Variants in ITGBL1 observed in about 807,000 individuals in gnomAD.
The protein encoded by ITGBL1 is integrin beta-like protein 1.
Under a neutral mutation model 68.5 loss-of-function variants are expected in ITGBL1, and 51 were observed. The ratio of observed to expected loss-of-function variants is 0.74; its 90% CI spans 0.59 to 0.94. The LOEUF (loss-of-function observed/expected upper bound fraction) is 0.94, where lower values mean the gene tolerates loss of function less well. ITGBL1 is among the 40% of genes least tolerant of loss of function. The pLI is 0.00. For missense variants in ITGBL1, 649 were observed against 647.4 expected, an observed-to-expected ratio of 1.00 and a Z score of -0.03; for synonymous variants, 209 against 227.3, an observed-to-expected ratio of 0.92 and a Z score of 0.72.
chr13:101,623,545 T>C (rs1000613799), intron 7 of ITGBL1, among the ~76,000 whole-genome samples: 2 of 152,214 alleles, frequency 1.3e-5, no homozygotes, highest in African/African-American at 2.4e-5. Flanking sequence ...TGTTCCTTCA[T>C]GTATGGCTCC....
intron 7 of ITGBL1, among the ~76,000 whole-genome samples, chr13:101,604,881 T>TACACACACACACAC (rs1292236214): frequency 3.0e-3 from 43 of 14,268 alleles, no homozygotes; most frequent in African/African-American, 6.5e-3. Context: ...TATATATATA[T>TACACACACACACAC]ATATATACAC....
intron 8 of ITGBL1, among the ~76,000 whole-genome samples, chr13:101,706,434 A>G (rs2139586705): frequency 6.6e-6 from 1 of 152,342 alleles, no homozygotes; most frequent in South Asian, 2.1e-4. Flanking sequence ...TGCAATGAAG[A>G]ATAGCGCTAA....
In ITGBL1 at chr13:101,544,453, G is replaced by A. The variant is rs552362286; in HGVS notation, c.317-23246G>A. Among the ~76,000 whole-genome samples the A allele has an allele frequency of 6.6e-5, 10 of 152,286 alleles. No individual in the cohort carries two copies. In the East Asian group the frequency reaches 1.5e-3, roughly 24 times the overall value. ...GAGTACCTGGCCGTGTGAGGTGTCAGTCTGCCCCTACTAGGGGGGTGCCTC... is the reference window on the plus strand; with the variant it reads ...GAGTACCTGGCCGTGTGAGGTGTCAATCTGCCCCTACTAGGGGGGTGCCTC... On this transcript the variant is annotated intron_variant, in intron 2 of 10. Transcript: ENST00000376180.
intron 2 of ITGBL1, among the ~76,000 whole-genome samples, chr13:101,534,492 C>T (rs1401476532): frequency 6.6e-6 from 1 of 152,068 alleles, no homozygotes; most frequent in African/African-American, 2.4e-5. Flanking sequence ...TTCACATACA[C>T]CAGTAAGGAA....
chr13:101,570,390 C>A (rs2050253130), intron 3 of ITGBL1, among the ~76,000 whole-genome samples: 1 of 152,092 alleles, frequency 6.6e-6, no homozygotes, highest in Non-Finnish European at 1.5e-5. Context: ...TGCTTCACTG[C>A]ACCTTTGGAA....
intron 5 of ITGBL1, 117 bp downstream of exon 5, chr13:101,579,544 A>G (rs1208396045): frequency 7.7e-6 from 8 of 1,040,646 alleles, no homozygotes; most frequent in Non-Finnish European, 1.1e-5. Context: ...CTAACCATTT[A>G]CTTTGATGTA....
chr13:101,575,103 C>T (rs1261175467), intron 3 of ITGBL1, among the ~76,000 whole-genome samples: 1 of 152,046 alleles, frequency 6.6e-6, no homozygotes, highest in African/African-American at 2.4e-5. Context: ...ACTTCAGACC[C>T]AGGTGTAATC....
intron 7 of ITGBL1, among the ~76,000 whole-genome samples, chr13:101,655,314 A>G (rs892421249): frequency 2.0e-5 from 3 of 152,188 alleles, no homozygotes; most frequent in Admixed American, 1.3e-4. Context: ...GGAGGAGTGG[A>G]CATATTGCAA....
intron 2 of ITGBL1, among the ~76,000 whole-genome samples, chr13:101,542,595 A>G (rs1425546086): frequency 1.3e-5 from 2 of 152,124 alleles, no homozygotes; most frequent in Non-Finnish European, 2.9e-5. Context: ...AGCTGATTTC[A>G]ATTCCTGGAT....
At chr13:101,604,845 AATATATATATATATATAT>A (rs1555361671) in intron 7 of ITGBL1, among the ~76,000 whole-genome samples, 3 of 29,362 alleles carry the variant, frequency 1.0e-4, no homozygotes, top group African/African-American at 2.2e-4. Context: ...AGGTGAAGGC[AATATATATATATATATAT>A]ATATATATAT....
intron 2 of ITGBL1, among the ~76,000 whole-genome samples, chr13:101,536,341 A>G (rs778432727): frequency 1.6e-4 from 24 of 152,058 alleles, no homozygotes; most frequent in Non-Finnish European, 2.9e-4. Flanking sequence ...ATAAAAAACA[A>G]CAACTATTTT....
At chr13:101,701,401 C>T (rs1357734140) in intron 8 of ITGBL1, among the ~76,000 whole-genome samples, 2 of 152,060 alleles carry the variant, frequency 1.3e-5, no homozygotes, top group African/African-American at 4.8e-5. Context: ...GGCGTGGTGG[C>T]ACATGCCTGT....
At chr13:101,717,289 A>C (rs1393788956), downstream of ITGBL1, 1 of 152,166 alleles carries the variant, frequency 6.6e-6, no homozygotes, top group African/African-American at 2.4e-5. Flanking sequence ...TGTTCTCATA[A>C]TGTAATAGAT....
chr13:101,506,256 T>A (rs1367701126), intron 2 of ITGBL1, among the ~76,000 whole-genome samples: 1 of 152,044 alleles, frequency 6.6e-6, no homozygotes, highest in Admixed American at 6.5e-5. Context: ...AGGAGGCATA[T>A]CTCTCTACAT....
chr13:101,561,903 G>T (rs2050106691), intron 2 of ITGBL1, among the ~76,000 whole-genome samples: 1 of 152,090 alleles, frequency 6.6e-6, no homozygotes, highest in Non-Finnish European at 1.5e-5. Context: ...CAATGAAAAT[G>T]GAATAAATTA....
chr13:101,636,360 A>T (rs555544016), intron 7 of ITGBL1, among the ~76,000 whole-genome samples: 21 of 152,246 alleles, frequency 1.4e-4, no homozygotes, highest in African/African-American at 4.8e-4. Context: ...AAGTTACCTT[A>T]ATTTATCATT....
At chr13:101,534,533 A>C (rs1323179056) in intron 2 of ITGBL1, among the ~76,000 whole-genome samples, 1 of 152,146 alleles carries the variant, frequency 6.6e-6, no homozygotes, top group Non-Finnish European at 1.5e-5. Context: ...TCCTCTAAAA[A>C]TGGAAAGACC....
chr13:101,567,462 T>C (rs1011803180), intron 2 of ITGBL1, among the ~76,000 whole-genome samples: 3 of 152,188 alleles, frequency 2.0e-5, no homozygotes, highest in Admixed American at 6.5e-5. Flanking sequence ...TAATGTATTA[T>C]CCTAATGTCT....
Position 101,555,350 on chromosome 13 carries a change from A to G in ITGBL1, c.317-12349A>G, listed in dbSNP as rs139173794. Among the ~76,000 whole-genome samples, 789 of 152,340 alleles carry G rather than the reference A, an allele frequency of 5.2e-3. 3 individuals carry two copies. Among genetic ancestry groups the G allele is most frequent in the Non-Finnish European group, 9.5e-3 (649 of 68,032 alleles). On this transcript the variant is annotated intron_variant, in intron 2 of 10. Transcript: ENST00000376180. ...CATTTTTAAAGATAAAACAAAAATA[A>G]GGATATGTATTAATTCTAGTGTTTT...
Sources: gnomAD v4.1 joint callset for allele counts (sites outside exome capture counted in the v4.1 genomes callset) on GRCh38, gnomAD v4.1.1 for gene constraint, MANE v1.5 for transcripts, NCBI Gene and HGNC (gene_info 2026-07-23, HGNC 2026-07-21) for gene names.